RHOBTB3: variants seen among roughly 807,000 people sequenced by gnomAD.
RHOBTB3 encodes rho-related BTB domain-containing protein 3.
Under a neutral mutation model 67.2 loss-of-function variants are expected in RHOBTB3, and 47 were observed. The ratio of observed to expected loss-of-function variants is 0.70; its 90% confidence interval spans 0.55 to 0.89. The LOEUF is 0.89. Among genes scored for constraint, RHOBTB3 ranks in the 40% least tolerant of loss-of-function variants. The pLI is 0.00. For missense variants in RHOBTB3, 631 were observed against 750.0 expected, an observed-to-expected ratio of 0.84 and a Z score of 1.85; for synonymous variants, 273 against 274.2, an observed-to-expected ratio of 1.00 and a Z score of 0.04.
chr5:95,731,221 A>T (rs866055016), upstream of RHOBTB3: 7 of 1,002,934 alleles, frequency 7.0e-6, no homozygotes, highest in Non-Finnish European at 8.3e-6. Flanking sequence ...CGTCCCCCGC[A>T]TCCGCCCGAC....
intron 2 of RHOBTB3, among the ~76,000 whole-genome samples, chr5:95,735,158 C>T (rs1469533445): frequency 1.3e-5 from 2 of 152,010 alleles, no homozygotes; most frequent in Non-Finnish European, 1.5e-5. Flanking sequence ...TGCTGGGAAG[C>T]TTTCCCATTT....
intron 5 of RHOBTB3, 29 bp downstream of exon 5, chr5:95,752,379 TCA>T (rs767051013): frequency 7.4e-7 from 1 of 1,345,134 alleles, no homozygotes. Flanking sequence ...GTCTAGACAT[TCA>T]TTAAACATTC....
At chr5:95,738,000 CTAATTTCAGTTAGCA>C (rs1462985177) in intron 3 of RHOBTB3, among the ~76,000 whole-genome samples, 1 of 152,164 alleles carries the variant, frequency 6.6e-6, no homozygotes, top group Non-Finnish European at 1.5e-5. Flanking sequence ...TTAGGTTAGG[CTAATTTCAGTTAGCA>C]TAATACTTTT....
intron 3 of RHOBTB3, among the ~76,000 whole-genome samples, chr5:95,743,256 C>G (rs80200018): frequency 0.021 from 3,189 of 152,190 alleles, 96 homozygotes; most frequent in African/African-American, 0.069. Context: ...AATTTGCCTA[C>G]TTTTGCAGTT....
intron 11 of RHOBTB3, among the ~76,000 whole-genome samples, chr5:95,790,908 A>C (rs1746363879): frequency 6.6e-6 from 1 of 152,208 alleles, no homozygotes; most frequent in African/African-American, 2.4e-5. Flanking sequence ...CTTCTTTTGA[A>C]AAATTGGAAG....
chr5:95,773,108 G>T (rs930734581), intron 8 of RHOBTB3, among the ~76,000 whole-genome samples: 11 of 152,194 alleles, frequency 7.2e-5, no homozygotes, highest in Admixed American at 5.9e-4. Flanking sequence ...AAGGGAATAT[G>T]TAGCACATGA....
In RHOBTB3 at chr5:95,755,423, C is replaced by A; in HGVS notation, c.710C>A (p.Ala237Glu). 6.3e-7 allele frequency: 1 copy of A among 1,579,294 alleles called. No homozygotes were observed. The highest frequency in any genetic ancestry group is 8.6e-7 in the Non-Finnish European group (1 of 1,164,288). The change falls in exon 6 of 12, where the codon GCG becomes GAG. Residue 237 changes from alanine (A) to glutamate (E), a missense_variant. Ala to Glu is a moderately radical substitution (Grantham distance 107, BLOSUM62 -1). Transcript: ENST00000379982. ...PEKMPVLKAE[A>E]SHYNSDLNNL... Reference sequence around the variant, plus strand: ...AAAATGCCTGTCTTAAAGGCTGAAGCGTCACATTATAACTCTGACTTAAAT... The same window carrying A: ...AAAATGCCTGTCTTAAAGGCTGAAGAGTCACATTATAACTCTGACTTAAAT...
chr5:95,730,386 C>G (rs1755186231), upstream of RHOBTB3, among the ~76,000 whole-genome samples: 1 of 152,120 alleles, frequency 6.6e-6, no homozygotes, highest in Non-Finnish European at 1.5e-5. Flanking sequence ...GGAGTCTAAC[C>G]CCAGAGTAAT....
At chr5:95,719,928 T>G (rs1383360544) in intron 1 of RHOBTB3, among the ~76,000 whole-genome samples, 1 of 152,208 alleles carries the variant, frequency 6.6e-6, no homozygotes, top group Admixed American at 6.5e-5. Context: ...GGGATCAAAA[T>G]GACCTGTACT....
chr5:95,793,916 G>GC lies in RHOBTB3; in HGVS notation c.*746dup. The stretch of plus-strand genomic sequence containing the variant: ...AATTCTTAATAATGTTTGAAGAAGG[G>GC]CCCCATGATTTCATTTTGTGCTGAG... On this transcript the variant is annotated 3_prime_UTR_variant, in exon 12 of 12. Coordinates refer to ENST00000379982, the MANE Select transcript of RHOBTB3 (RefSeq NM_014899.4). 2.2e-6 allele frequency: 1 copy of GC among 444,530 alleles called. No homozygotes were observed. Among genetic ancestry groups the GC allele is most frequent in the Non-Finnish European group, 4.5e-6 (1 of 222,192 alleles). The allele number at this position is 444,530 out of a possible 1,614,324, so 27.5% of individuals were successfully genotyped here.
intron 6 of RHOBTB3, among the ~76,000 whole-genome samples, chr5:95,759,233 G>A (rs753496051): frequency 2.6e-5 from 4 of 152,336 alleles, no homozygotes; most frequent in African/African-American, 7.2e-5. Context: ...CTCCTTGTAC[G>A]TCACGGCCAA....
intron 4 of RHOBTB3, among the ~76,000 whole-genome samples, chr5:95,749,001 G>C (rs1182011331): frequency 2.6e-5 from 4 of 152,206 alleles, no homozygotes; most frequent in Non-Finnish European, 5.9e-5. Flanking sequence ...ATATGTGGGA[G>C]CAAATTTGCT....
intron 2 of RHOBTB3, among the ~76,000 whole-genome samples, chr5:95,735,097 A>C (rs1443693197): frequency 1.3e-5 from 2 of 152,202 alleles, no homozygotes; most frequent in African/African-American, 4.8e-5. Context: ...TAACAGATGC[A>C]GTTGGAACTG....
At chr5:95,764,157 T>A (rs1745476930) in intron 7 of RHOBTB3, among the ~76,000 whole-genome samples, 1 of 152,198 alleles carries the variant, frequency 6.6e-6, no homozygotes, top group African/African-American at 2.4e-5. Flanking sequence ...ATGTGAGTCA[T>A]GTCTTTAAAA....
At chr5:95,784,051 A>C in intron 10 of RHOBTB3, 88 bp downstream of exon 10, 1 of 1,065,316 alleles carries the variant, frequency 9.4e-7, no homozygotes, top group South Asian at 2.2e-5. Flanking sequence ...TTTTTAACAT[A>C]CGTTAATACT....
At chr5:95,748,204 G>C (rs1467549463) in intron 3 of RHOBTB3, 129 bp from the exon 4 acceptor site, 15 of 545,780 alleles carry the variant, frequency 2.7e-5, no homozygotes, top group Admixed American at 6.8e-5. Context: ...AGTGGGTAGT[G>C]GATATACTGA....
At position 95,731,411 on chromosome 5, in the gene RHOBTB3, G is replaced by C; in HGVS notation, c.-272G>C. 2.5e-6 allele frequency: 3 copies of C among 1,187,698 alleles called. No homozygotes were observed. The highest frequency in any genetic ancestry group is 3.1e-6 in the Non-Finnish European group (3 of 962,526). 73.6% of individuals were successfully genotyped at this position (1,187,698 alleles called of 1,614,324 possible). On this transcript the variant is annotated 5_prime_UTR_variant, in exon 1 of 12. Transcript: ENST00000379982. ...CGGTCAGCTGCGTCCACTTGGGGCT[G>C]TGCGGCGGTCCCGCGCCCGGCGATG...
intron 3 of RHOBTB3, among the ~76,000 whole-genome samples, chr5:95,747,333 T>A (rs1292449974): frequency 1.3e-5 from 2 of 152,178 alleles, no homozygotes; most frequent in Non-Finnish European, 2.9e-5. Flanking sequence ...CAGTCCCGCA[T>A]TCCTCACCCC....
At chr5:95,748,591 C>G (rs1744999254) in intron 4 of RHOBTB3, 104 bp downstream of exon 4, 1 of 722,722 alleles carries the variant, frequency 1.4e-6, no homozygotes, top group African/African-American at 1.8e-5. Flanking sequence ...CATGGTTTGT[C>G]TTACTTAACC....
Sources: gnomAD v4.1 joint callset for allele counts (sites outside exome capture counted in the v4.1 genomes callset) on GRCh38, gnomAD v4.1.1 for gene constraint, MANE v1.5 for transcripts, NCBI Gene and HGNC (gene_info 2026-07-23, HGNC 2026-07-21) for gene names.